PUM1: variants seen among roughly 807,000 people sequenced by gnomAD.
The protein encoded by PUM1 is pumilio homolog 1.
PUM1 carries 13 observed loss-of-function variants against 131.8 expected under a neutral mutation model. The observed-to-expected ratio is 0.10, with a 90% CI of 0.06 to 0.16. The LOEUF (loss-of-function observed/expected upper bound fraction) is 0.16. Among genes scored for constraint, PUM1 ranks in the 10% least tolerant of loss-of-function variants. The probability of loss-of-function intolerance (pLI) is 1.00; values close to 1 mark genes in which losing one functional copy is unlikely to be tolerated. For synonymous variants in PUM1, 509 were observed against 556.5 expected (o/e 0.91, Z 1.20); for missense variants, 961 against 1,512.4 (o/e 0.64, Z 6.05).
At chr1:30,993,293 G>GT (rs1396384880) in intron 6 of PUM1, among the ~76,000 whole-genome samples, 1 of 145,986 alleles carries the variant, frequency 6.8e-6, no homozygotes, top group Non-Finnish European at 1.5e-5. Flanking sequence ...AGAATTAAAA[G>GT]TAATGGGAAG....
intron 14 of PUM1, among the ~76,000 whole-genome samples, chr1:30,956,288 G>T (rs1640164068): frequency 6.6e-6 from 1 of 151,824 alleles, no homozygotes; most frequent in Non-Finnish European, 1.5e-5. Flanking sequence ...TTTTGAGACG[G>T]AGTCTTGCTC....
At chr1:31,042,123 G>A (rs942541162) in intron 2 of PUM1, among the ~76,000 whole-genome samples, 5 of 151,966 alleles carry the variant, frequency 3.3e-5, no homozygotes, top group African/African-American at 1.2e-4. Flanking sequence ...TGGTCAACAT[G>A]GTTGGAACCC....
intron 2 of PUM1, among the ~76,000 whole-genome samples, chr1:31,049,429 G>A (rs568784270): frequency 3.2e-4 from 48 of 151,340 alleles, no homozygotes; most frequent in Non-Finnish European, 6.6e-4. Context: ...GGCACAAGAA[G>A]TGCTTGAACC....
chr1:31,059,678 A>C, intron 1 of PUM1, 101 bp from the exon 2 acceptor site: 8 of 1,373,840 alleles, frequency 5.8e-6, no homozygotes, highest in South Asian at 1.4e-5. Flanking sequence ...CAATAAATAA[A>C]TGTCGTTGGT....
intron 9 of PUM1, among the ~76,000 whole-genome samples, chr1:30,975,356 GTTTT>G (rs916597920): frequency 3.4e-5 from 2 of 59,656 alleles, no homozygotes; most frequent in Admixed American, 2.1e-4. Flanking sequence ...TGTTTTTTTT[GTTTT>G]TTTGTTTTTT....
chr1:30,980,096 G>C lies in PUM1; in HGVS notation c.1320C>G (p.Pro440=). The C allele has an allele frequency of 6.2e-7, 1 of 1,613,674 alleles. No individual in the cohort carries two copies. The highest frequency in any genetic ancestry group is 8.5e-7 in the Non-Finnish European group (1 of 1,179,816). The change falls in exon 9 of 22, where the codon CCC becomes CCG. Residue 440 remains proline, a synonymous_variant. Coordinates refer to ENST00000426105, the MANE Select transcript of PUM1 (RefSeq NM_001020658.2). ...CTGCTGCAGCCAATCCAGCTGTGTA[G>C]GGGTCCGTCCCTGGGGGAGCAGCGC... The part of the protein sequence containing the change: ...IISAAPPGTD[P]YTAGLAAAAT...
intron 10 of PUM1, among the ~76,000 whole-genome samples, chr1:30,970,224 C>T (rs540192172): frequency 6.6e-6 from 1 of 151,686 alleles, no homozygotes; most frequent in Non-Finnish European, 1.5e-5. Context: ...AAAATGGGTA[C>T]AAATTATTCT....
At chr1:31,050,572 TCTAAGAGTA>T (rs1170724519) in intron 2 of PUM1, among the ~76,000 whole-genome samples, 1 of 152,206 alleles carries the variant, frequency 6.6e-6, no homozygotes, top group African/African-American at 2.4e-5. Context: ...ATGAAAAGGC[TCTAAGAGTA>T]CATGTGTAAG....
intron 14 of PUM1, among the ~76,000 whole-genome samples, chr1:30,959,148 A>T (rs1640300172): frequency 6.6e-6 from 1 of 152,244 alleles, no homozygotes; most frequent in Admixed American, 6.5e-5. Flanking sequence ...CTTACTACAA[A>T]TAAATGCCCA....
At chr1:31,026,113 G>A (rs540701836) in intron 3 of PUM1, among the ~76,000 whole-genome samples, 7 of 151,994 alleles carry the variant, frequency 4.6e-5, no homozygotes, top group East Asian at 3.9e-4. Context: ...AAAATTAGCC[G>A]GGCACGGCGG....
chr1:30,950,057 T>C, intron 17 of PUM1, 70 bp downstream of exon 17: 1 of 1,500,020 alleles, frequency 6.7e-7, no homozygotes, highest in Admixed American at 2.2e-5. Flanking sequence ...ATTGACAGAA[T>C]TACAGGGTTC....
At chr1:30,943,441 G>C (rs376104657) in intron 18 of PUM1, among the ~76,000 whole-genome samples, 1 of 151,934 alleles carries the variant, frequency 6.6e-6, no homozygotes, top group African/African-American at 2.4e-5. Context: ...TAGTAGAGAC[G>C]GGGTTTCACC....
chr1:31,018,559 G>A (rs931706319), intron 3 of PUM1, among the ~76,000 whole-genome samples: 1 of 152,168 alleles, frequency 6.6e-6, no homozygotes, highest in Admixed American at 6.5e-5. Flanking sequence ...TTGGGAGGCT[G>A]AGACAGGAGA....
chr1:31,014,544 T>C (rs902350798), intron 3 of PUM1, among the ~76,000 whole-genome samples: 19 of 151,498 alleles, frequency 1.3e-4, no homozygotes, highest in Admixed American at 1.2e-3. Context: ...TCTCAGCACT[T>C]TGGGAGGCTG....
chr1:31,019,035 T>A (rs1642925322), intron 3 of PUM1, among the ~76,000 whole-genome samples: 1 of 152,202 alleles, frequency 6.6e-6, no homozygotes, highest in African/African-American at 2.4e-5. Flanking sequence ...CAAGTTGAGA[T>A]AAGAATTTGG....
At chr1:30,936,582 T>G in intron 21 of PUM1, 61 bp downstream of exon 21, 1 of 1,471,890 alleles carries the variant, frequency 6.8e-7, no homozygotes, top group Non-Finnish European at 9.2e-7. Context: ...CTCCTTTGTG[T>G]TTCAGAAAGG....
At chr1:31,011,164 T>C (rs1316563176) in intron 3 of PUM1, among the ~76,000 whole-genome samples, 2 of 142,976 alleles carry the variant, frequency 1.4e-5, no homozygotes, top group Admixed American at 7.0e-5. Flanking sequence ...TCTCTTAAAA[T>C]ACACACACAC....
At chr1:31,056,248 G>A (rs1342679060) in intron 2 of PUM1, among the ~76,000 whole-genome samples, 1 of 152,012 alleles carries the variant, frequency 6.6e-6, no homozygotes, top group Non-Finnish European at 1.5e-5. Flanking sequence ...CAAATTCTGT[G>A]CATATCTTCA....
chr1:31,045,120 TA>T (rs1463435775), intron 2 of PUM1, among the ~76,000 whole-genome samples: 2 of 150,586 alleles, frequency 1.3e-5, no homozygotes, highest in African/African-American at 4.9e-5. Flanking sequence ...TTTAAATGGA[TA>T]AACTACAAAT....
Sources: allele counts gnomAD v4.1 joint callset (sites outside exome capture counted in the v4.1 genomes callset), GRCh38; gene constraint gnomAD v4.1.1; transcripts MANE v1.5; gene names NCBI Gene and HGNC (gene_info 2026-07-23, HGNC 2026-07-21).